OR51B5: variants seen among roughly 807,000 people sequenced by gnomAD.
The protein encoded by OR51B5 is olfactory receptor family 51 subfamily B member 5.
For missense variants in OR51B5, 456 were observed against 374.6 expected (o/e 1.22, Z -1.79); for synonymous variants, 186 against 144.8 (o/e 1.28, Z -2.04).
intron 1 of OR51B5, among the ~76,000 whole-genome samples, chr11:5,368,158 A>G (rs900000196): frequency 6.6e-6 from 1 of 152,214 alleles, no homozygotes. Context: ...TTAACTATGA[A>G]CCAGCATGAA....
intron 1 of OR51B5, among the ~76,000 whole-genome samples, chr11:5,485,785 A>G (rs1851489456): frequency 6.6e-6 from 1 of 152,112 alleles, no homozygotes; most frequent in South Asian, 2.1e-4. Context: ...CCCAGCAAAG[A>G]TTTCCCTGGA....
At chr11:5,382,263 G>C (rs1471867201) in intron 1 of OR51B5, among the ~76,000 whole-genome samples, 1 of 152,098 alleles carries the variant, frequency 6.6e-6, no homozygotes, top group African/African-American at 2.4e-5. Flanking sequence ...TCACCTCCAT[G>C]CCCTTGCTTA....
At position 5,394,998 on chromosome 11, in the gene OR51B5, T is replaced by A. The variant is rs533770085; in HGVS notation, n.85-48088A>T. 6.6e-5 allele frequency among the ~76,000 whole-genome samples: 10 copies of A among 152,282 alleles called. No homozygotes were observed. The South Asian group carries it at 2.1e-3, about 32-fold the overall frequency. ...AAAAAGAGGATTGAGAAGCACCCAA[T>A]AAATTTTCTTATGAAGTTGGCAGCT... is the stretch of plus-strand genomic sequence containing the variant. On this transcript the variant is annotated intron_variant and non_coding_transcript_variant, in intron 1 of 4. Coordinates refer to the OR51B5 transcript ENST00000415970.
At chr11:5,454,162 T>C in intron 1 of OR51B5, 1 of 1,614,120 alleles carries the variant, frequency 6.2e-7, no homozygotes, top group Non-Finnish European at 8.5e-7. Flanking sequence ...CTGCGTTCTG[T>C]CATGGCCACT....
intron 1 of OR51B5, among the ~76,000 whole-genome samples, chr11:5,493,369 T>A (rs2133816553): frequency 6.6e-6 from 1 of 152,298 alleles, no homozygotes; most frequent in South Asian, 2.1e-4. Context: ...GTCATCATCA[T>A]GTTCCCCTCT....
chr11:5,427,572 G>A (rs1001137439), intron 1 of OR51B5, among the ~76,000 whole-genome samples: 3 of 151,818 alleles, frequency 2.0e-5, no homozygotes, highest in African/African-American at 7.3e-5. Flanking sequence ...TATTTTTTTT[G>A]CTCTGTAAGC....
chr11:5,483,178 TA>T (rs1455029403), intron 1 of OR51B5, among the ~76,000 whole-genome samples: 1 of 149,666 alleles, frequency 6.7e-6, no homozygotes, highest in Non-Finnish European at 1.5e-5. Flanking sequence ...TATGCAGCCA[TA>T]AAAAATGATG....
intron 1 of OR51B5, among the ~76,000 whole-genome samples, chr11:5,465,609 G>T (rs1046404710): frequency 5.1e-4 from 74 of 145,232 alleles, no homozygotes; most frequent in Non-Finnish European, 8.8e-4. Context: ...CCAAAACAGA[G>T]ATATAGATCA....
At chr11:5,360,552 A>G (rs945932233) in intron 1 of OR51B5, among the ~76,000 whole-genome samples, 2 of 151,924 alleles carry the variant, frequency 1.3e-5, no homozygotes, top group Non-Finnish European at 2.9e-5. Flanking sequence ...GAGACTGTAA[A>G]CTAGTTCAAC....
rs142587681 is a variant in OR51B5 at position 5,477,624 on chromosome 11, C to A, written n.84+27945G>T. On this transcript the variant is annotated intron_variant and non_coding_transcript_variant, in intron 1 of 4. Transcript: ENST00000415970. The stretch of plus-strand genomic sequence containing the variant: ...ACCGGGTTCATATCACTAGGGAGTG[C>A]CAGACAGTCGGCGCAGGTCAGTGGG... 5.9e-3 allele frequency among the ~76,000 whole-genome samples: 901 copies of A among 152,280 alleles called. 13 individuals are homozygous for A. The highest frequency in any genetic ancestry group is 0.02 in the African/African-American group (824 of 41,566).
Position 5,476,485 on chromosome 11 carries a change from G to T in OR51B5, n.84+29084C>A, listed in dbSNP as rs1851308175. ...CTTCCATGCTGAAGGGGTCTGACATGTTTAGGTGCCCAAAAAATAGTCACT... is the reference window on the plus strand; with the variant it reads ...CTTCCATGCTGAAGGGGTCTGACATTTTTAGGTGCCCAAAAAATAGTCACT... On this transcript the variant is annotated intron_variant and non_coding_transcript_variant, in intron 1 of 4. Coordinates refer to the OR51B5 transcript ENST00000415970. 3.9e-5 allele frequency among the ~76,000 whole-genome samples: 6 copies of T among 152,138 alleles called. No homozygotes were observed. In the South Asian group the frequency reaches 1.2e-3, roughly 32 times the overall value.
chr11:5,406,425 T>C (rs961212431), intron 1 of OR51B5, among the ~76,000 whole-genome samples: 1 of 152,118 alleles, frequency 6.6e-6, no homozygotes, highest in African/African-American at 2.4e-5. Context: ...GTGAAAAGAA[T>C]CTTGGAATCT....
chr11:5,441,955 C>T (rs2133777187), intron 1 of OR51B5, among the ~76,000 whole-genome samples: 1 of 152,262 alleles, frequency 6.6e-6, no homozygotes, highest in Admixed American at 6.5e-5. Context: ...AATGGCTGCC[C>T]CTGAACTTGT....
chr11:5,441,227 A>C, intron 1 of OR51B5: 1 of 1,613,992 alleles, frequency 6.2e-7, no homozygotes, highest in Non-Finnish European at 8.5e-7. Flanking sequence ...GGCAAGCATT[A>C]AACGCAACAT....
Position 5,451,210 on chromosome 11 carries a change from A to G in OR51B5, n.84+54359T>C, listed in dbSNP as rs961538521. 2.6e-5 allele frequency among the ~76,000 whole-genome samples: 4 copies of G among 152,270 alleles called. No homozygotes were observed. In the East Asian group the frequency reaches 7.7e-4, roughly 29 times the overall value. ...CAATCCCCAAGGTAAGGGAAGGGAT[A>G]TAATTCTGGAACAGTCAGGCAGTCT... is the stretch of plus-strand genomic sequence containing the variant. On this transcript the variant is annotated intron_variant and non_coding_transcript_variant, in intron 1 of 4. Transcript: ENST00000415970.
chr11:5,378,629 G>A (rs1182146032), intron 1 of OR51B5, among the ~76,000 whole-genome samples: 6 of 151,984 alleles, frequency 3.9e-5, no homozygotes, highest in East Asian at 3.9e-4. Context: ...AAAACAAACA[G>A]CCCCATCAAC....
At chr11:5,434,323 C>A (rs1172789083) in intron 1 of OR51B5, among the ~76,000 whole-genome samples, 1 of 152,186 alleles carries the variant, frequency 6.6e-6, no homozygotes, top group Non-Finnish European at 1.5e-5. Context: ...TTTCCTACTC[C>A]ACTCTGGACC....
intron 1 of OR51B5, among the ~76,000 whole-genome samples, chr11:5,487,390 T>G (rs1851513900): frequency 6.6e-6 from 1 of 152,186 alleles, no homozygotes; most frequent in Non-Finnish European, 1.5e-5. Flanking sequence ...TCATTCCCAA[T>G]TTAAAGATAA....
intron 1 of OR51B5, among the ~76,000 whole-genome samples, chr11:5,370,978 T>C (rs1190001574): frequency 2.0e-5 from 3 of 152,190 alleles, no homozygotes; most frequent in East Asian, 1.9e-4. Flanking sequence ...GAGAACCATA[T>C]GATCATACTT....
Sources: gnomAD v4.1 joint callset for allele counts (sites outside exome capture counted in the v4.1 genomes callset) on GRCh38, gnomAD v4.1.1 for gene constraint, MANE v1.5 for transcripts, NCBI Gene and HGNC (gene_info 2026-07-23, HGNC 2026-07-21) for gene names.